Variants in MICAL3 observed in about 807,000 individuals in gnomAD.
The protein encoded by MICAL3 is [F-actin]-monooxygenase MICAL3.
Under a neutral mutation model 207.4 loss-of-function variants are expected in MICAL3, and 62 were observed. That is an observed-to-expected ratio of 0.30 (90% CI 0.24 to 0.37). The LOEUF is 0.37. Ranked by LOEUF, MICAL3 falls within the 10% of genes least tolerant of loss-of-function variation. MICAL3 has a pLI of 1.00. For missense variants in MICAL3, 2,368 were observed against 2,635.6 expected (o/e 0.90, Z 2.22); for synonymous variants, 1,077 against 1,069.3 (o/e 1.01, Z -0.14).
chr22:17,942,970 A>T (rs1483437307), intron 1 of MICAL3, among the ~76,000 whole-genome samples: 1 of 152,176 alleles, frequency 6.6e-6, no homozygotes, highest in African/African-American at 2.4e-5. Context: ...GCGATGCTGA[A>T]CTCACACAAC....
intron 18 of MICAL3, among the ~76,000 whole-genome samples, chr22:17,865,321 G>A (rs1205280280): frequency 2.6e-5 from 4 of 152,178 alleles, no homozygotes; most frequent in African/African-American, 7.2e-5. Flanking sequence ...CCTCAAGGGG[G>A]ACTGACAGGC....
At chr22:17,860,796 G>A in intron 19 of MICAL3, 2 of 985,358 alleles carry the variant, frequency 2.0e-6, no homozygotes, top group Non-Finnish European at 2.4e-6. Context: ...CTCCTTACAG[G>A]CGTGCTGCCC....
At chr22:17,999,034 G>A (rs548090465) in intron 1 of MICAL3, among the ~76,000 whole-genome samples, 4 of 152,252 alleles carry the variant, frequency 2.6e-5, no homozygotes, top group South Asian at 2.1e-4. Flanking sequence ...TCAGAGGCAC[G>A]GCCCAGCAAA....
In MICAL3 at chr22:17,886,018, G is replaced by A; in HGVS notation, c.2101C>T (p.Pro701Ser). The change falls in exon 16 of 32, where the codon CCG becomes TCG. Residue 701 changes from proline to serine, a missense_variant. Around this residue, in one of 4 missense-constraint regions of MICAL3, gnomAD observed 1,770 missense variants for 1,863.2 expected, o/e 0.95. Transcript: ENST00000441493. ...EAPRGHRGER[P>S]TLVSTLTDRR... is the part of the protein sequence containing the mutation. ...TCTGTCAGAGTGCTCACCAGGGTCG[G>A]TCTTTCTCCTCTGTGGCCCCGAGGA... The A allele has an allele frequency of 6.2e-7, 1 of 1,614,028 alleles. No individual in the cohort carries two copies. The highest frequency in any genetic ancestry group is 8.5e-7 in the Non-Finnish European group (1 of 1,179,904).
intron 16 of MICAL3, among the ~76,000 whole-genome samples, chr22:17,884,078 A>G (rs754194023): frequency 9.9e-5 from 15 of 152,262 alleles, no homozygotes; most frequent in Non-Finnish European, 1.2e-4. Context: ...TCAAATCCCC[A>G]GGAGTTACAT....
chr22:17,970,446 C>A (rs969572298), intron 1 of MICAL3, among the ~76,000 whole-genome samples: 1 of 149,608 alleles, frequency 6.7e-6, no homozygotes, highest in Non-Finnish European at 1.5e-5. Context: ...TGGTTGGAGG[C>A]CCCTTTGGGA....
chr22:17,882,201 G>C (rs544015883), intron 16 of MICAL3, among the ~76,000 whole-genome samples: 1 of 152,326 alleles, frequency 6.6e-6, no homozygotes, highest in African/African-American at 2.4e-5. Flanking sequence ...CAAAAGGGTG[G>C]GGAAGGGAAG....
At chr22:17,829,407 G>T (rs1176126490) in intron 21 of MICAL3, among the ~76,000 whole-genome samples, 1 of 152,164 alleles carries the variant, frequency 6.6e-6, no homozygotes, top group Non-Finnish European at 1.5e-5. Context: ...GATCTCAGGT[G>T]ATCCACACGC....
intron 1 of MICAL3, among the ~76,000 whole-genome samples, chr22:17,914,351 A>G (rs1156974937): frequency 1.3e-5 from 2 of 152,134 alleles, no homozygotes; most frequent in Non-Finnish European, 1.5e-5. Context: ...GAAGATACTG[A>G]GTCGTTACTA....
At chr22:17,912,957 T>A (rs1015412040) in intron 1 of MICAL3, among the ~76,000 whole-genome samples, 1 of 152,256 alleles carries the variant, frequency 6.6e-6, no homozygotes, top group Non-Finnish European at 1.5e-5. Flanking sequence ...ACACGTACCA[T>A]GGTTTTTCGC....
chr22:17,986,744 C>A (rs1240844657), intron 1 of MICAL3, among the ~76,000 whole-genome samples: 1 of 152,188 alleles, frequency 6.6e-6, no homozygotes, highest in Non-Finnish European at 1.5e-5. Flanking sequence ...ATGCAGGCTA[C>A]TCATAAGGAA....
intron 1 of MICAL3, among the ~76,000 whole-genome samples, chr22:17,929,650 C>G (rs1002715492): frequency 7.0e-6 from 1 of 143,568 alleles, no homozygotes; most frequent in Non-Finnish European, 1.5e-5. Context: ...TCACTGCTAC[C>G]TCCGCCTCCC....
intron 22 of MICAL3, chr22:17,826,465 G>A (rs1408931127): frequency 9.1e-6 from 9 of 985,814 alleles, no homozygotes; most frequent in South Asian, 4.7e-5. Flanking sequence ...TCCGGAGACC[G>A]TCTCCAGCCA....
chr22:17,961,747 TGGG>T (rs1017070134), intron 1 of MICAL3, among the ~76,000 whole-genome samples: 9 of 152,300 alleles, frequency 5.9e-5, no homozygotes, highest in Non-Finnish European at 1.0e-4. Flanking sequence ...ACTCTGGGGC[TGGG>T]CCTGCCCTTA....
At chr22:17,931,108 A>G (rs1199688307) in intron 1 of MICAL3, among the ~76,000 whole-genome samples, 1 of 151,762 alleles carries the variant, frequency 6.6e-6, no homozygotes, top group African/African-American at 2.4e-5. Context: ...TGACATCCCC[A>G]CCATCTGGAC....
intron 5 of MICAL3, 37 bp from the exon 6 acceptor site, chr22:17,901,034 G>C (rs1412592717): frequency 6.2e-7 from 1 of 1,602,580 alleles, no homozygotes; most frequent in South Asian, 1.1e-5. Context: ...GATAATCATT[G>C]GCTAGAGAAG....
rs55654559 is a variant in MICAL3 at position 18,020,613 on chromosome 22, T to TAAAAAAAAAAAAA, written c.-75+3655_-75+3667dup. Among the ~76,000 whole-genome samples the TAAAAAAAAAAAAA allele has an allele frequency of 1.1e-3, 131 of 119,322 alleles. 3 individuals carry two copies. The highest frequency in any genetic ancestry group is 1.8e-3 in the East Asian group (8 of 4,368). The allele number at this position is 119,322 out of a possible 152,430, so 78.3% of individuals were successfully genotyped here. On this transcript the variant is annotated intron_variant, in intron 1 of 31. Coordinates refer to ENST00000441493, the MANE Select transcript of MICAL3 (RefSeq NM_015241.3). ...AAAATGGCTGTAAACCTTTAAAAAG[T>TAAAAAAAAAAAAA]AAAAAAAAAAAAAAAAAAATAGGCT...
chr22:18,014,953 C>T (rs1923962587), intron 1 of MICAL3, among the ~76,000 whole-genome samples: 1 of 151,724 alleles, frequency 6.6e-6, no homozygotes. Flanking sequence ...CGCTACTGCA[C>T]TCCAGCCTGG....
intron 1 of MICAL3, chr22:18,007,311 A>C (rs571259624): frequency 3.3e-5 from 5 of 152,210 alleles, no homozygotes; most frequent in Admixed American, 1.3e-4. Context: ...TGTGTCATAT[A>C]TCTTCTTTTT....
Sources: allele counts gnomAD v4.1 joint callset (sites outside exome capture counted in the v4.1 genomes callset), GRCh38; gene constraint gnomAD v4.1.1; regional missense constraint gnomAD v4.1.1; transcripts MANE v1.5; gene names NCBI Gene and HGNC (gene_info 2026-07-23, HGNC 2026-07-21).